The following USP15 variants were observed in gnomAD, a reference collection of about 807,000 sequenced individuals.
USP15 encodes ubiquitin specific peptidase 15, also known as ubiquitin carboxyl-terminal hydrolase 15.
USP15 carries 18 observed loss-of-function variants against 127.1 expected under a neutral mutation model. That is an observed-to-expected ratio of 0.14 (90% CI 0.10 to 0.21). The LOEUF (loss-of-function observed/expected upper bound fraction) is 0.21. Ranked by LOEUF, USP15 falls within the 10% of genes least tolerant of loss-of-function variation. The pLI is 1.00. For synonymous variants in USP15, 364 were observed against 393.7 expected (o/e 0.92, Z 0.89); for missense variants, 805 against 1,159.9 (o/e 0.69, Z 4.44).
chr12:62,307,184 G>C (rs567067878), intron 3 of USP15, among the ~76,000 whole-genome samples: 31 of 152,250 alleles, frequency 2.0e-4, no homozygotes, highest in African/African-American at 7.5e-4. Flanking sequence ...TGCAGAAGCA[G>C]TATTAAATGA....
At chr12:62,270,198 C>T (rs764088531) in intron 1 of USP15, among the ~76,000 whole-genome samples, 69 of 151,864 alleles carry the variant, frequency 4.5e-4, no homozygotes, top group Non-Finnish European at 2.5e-4. Context: ...AGATTCTTTG[C>T]CCATTTAAAA....
intron 8 of USP15, among the ~76,000 whole-genome samples, chr12:62,380,327 T>TA (rs912138910): frequency 6.6e-6 from 1 of 152,014 alleles, no homozygotes; most frequent in Non-Finnish European, 1.5e-5. Flanking sequence ...AGAATTATTC[T>TA]AAAAAACTAA....
intron 20 of USP15, among the ~76,000 whole-genome samples, chr12:62,397,216 A>T (rs2067520481): frequency 6.6e-6 from 1 of 152,152 alleles, no homozygotes. Flanking sequence ...TTATATTTTC[A>T]TTATCTTAGT....
At chr12:62,293,545 G>A (rs894452227) in intron 1 of USP15, among the ~76,000 whole-genome samples, 4 of 151,966 alleles carry the variant, frequency 2.6e-5, no homozygotes, top group East Asian at 1.9e-4. Flanking sequence ...TAGTAGAGAC[G>A]GGGTTTCACG....
At chr12:62,365,111 T>A (rs1453638681) in intron 8 of USP15, among the ~76,000 whole-genome samples, 1 of 152,182 alleles carries the variant, frequency 6.6e-6, no homozygotes, top group East Asian at 1.9e-4. Context: ...TTTCTAGTTC[T>A]AGATCCTTGA....
At chr12:62,321,836 T>C (rs1304647161) in intron 5 of USP15, among the ~76,000 whole-genome samples, 1 of 152,064 alleles carries the variant, frequency 6.6e-6, no homozygotes, top group African/African-American at 2.4e-5. Context: ...TAGAAAAAAA[T>C]CCCAGCTAAT....
chr12:62,395,822 G>A (rs1401791323), intron 19 of USP15, among the ~76,000 whole-genome samples: 1 of 151,628 alleles, frequency 6.6e-6, no homozygotes, highest in Non-Finnish European at 1.5e-5. Context: ...GAAATGGCAG[G>A]ATCTCATTCC....
intron 6 of USP15, chr12:62,327,739 C>T: frequency 2.4e-6 from 1 of 410,454 alleles, no homozygotes; most frequent in Non-Finnish European, 4.7e-6. Flanking sequence ...CTATGTAATA[C>T]CCAACACACC....
intron 1 of USP15, among the ~76,000 whole-genome samples, chr12:62,269,791 T>C (rs990954994): frequency 5.9e-5 from 9 of 152,140 alleles, no homozygotes; most frequent in Admixed American, 3.3e-4. Context: ...TGTATAGATA[T>C]AACACATTTG....
chr12:62,277,323 T>C (rs2063521896), intron 1 of USP15, among the ~76,000 whole-genome samples: 1 of 152,174 alleles, frequency 6.6e-6, no homozygotes, highest in Non-Finnish European at 1.5e-5. Context: ...CTTTAAAACA[T>C]GTCACTGACA....
At chr12:62,359,862 C>T (rs1180835912) in intron 8 of USP15, among the ~76,000 whole-genome samples, 2 of 152,068 alleles carry the variant, frequency 1.3e-5, no homozygotes, top group Non-Finnish European at 2.9e-5. Context: ...GCCCCTGCCT[C>T]CTGAGTAGTT....
intron 4 of USP15, among the ~76,000 whole-genome samples, chr12:62,320,569 G>C (rs982348664): frequency 3.9e-5 from 6 of 152,042 alleles, no homozygotes; most frequent in African/African-American, 1.4e-4. Flanking sequence ...TAAGTTTTGA[G>C]ATAACGCTGT....
chr12:62,370,194 G>A (rs1212007245), intron 8 of USP15, among the ~76,000 whole-genome samples: 1 of 152,132 alleles, frequency 6.6e-6, no homozygotes, highest in East Asian at 1.9e-4. Flanking sequence ...GCCTCCCAAA[G>A]TGCTGGGATT....
intron 2 of USP15, 194 bp downstream of exon 2, chr12:62,294,500 G>GT: frequency 2.0e-6 from 1 of 496,542 alleles, no homozygotes. Context: ...GACAAGTTTT[G>GT]TTTTTCATTT....
intron 1 of USP15, chr12:62,274,232 C>T (rs762988424): frequency 2.0e-5 from 3 of 152,212 alleles, no homozygotes; most frequent in Non-Finnish European, 4.4e-5. Flanking sequence ...CAGTGGTTCA[C>T]ACCTGTAATC....
chr12:62,383,736 A>T lies in USP15; in HGVS notation c.1090-104A>T, dbSNP rs963843478. Reference sequence around the variant, plus strand: ...ACAAATACATTTTAGAAAGCAGGCAAATTCACAAATGTGGAATCCATGAAT... The same window carrying T: ...ACAAATACATTTTAGAAAGCAGGCATATTCACAAATGTGGAATCCATGAAT... On this transcript the variant is annotated intron_variant, in intron 9 of 21. Coordinates refer to ENST00000280377, the MANE Select transcript of USP15 (RefSeq NM_001252078.2). 2.3e-6 allele frequency: 3 copies of T among 1,288,598 alleles called. No individual in the cohort carries two copies. The East Asian group carries it at 7.2e-5, about 31-fold the overall frequency. 79.8% of individuals were successfully genotyped at this position (1,288,598 alleles called of 1,614,324 possible).
chr12:62,388,825 C>T (rs774335336), intron 11 of USP15, among the ~76,000 whole-genome samples: 21 of 151,946 alleles, frequency 1.4e-4, no homozygotes, highest in Non-Finnish European at 2.2e-4. Flanking sequence ...GACAGTAACC[C>T]GAGTTTAAGA....
At chr12:62,389,330 A>G in intron 11 of USP15, 101 bp from the exon 12 acceptor site, 1 of 974,552 alleles carries the variant, frequency 1.0e-6, no homozygotes, top group South Asian at 1.7e-5. Flanking sequence ...ACACTAATCC[A>G]AATGCCAAAT....
intron 3 of USP15, 29 bp downstream of exon 3, chr12:62,302,949 T>C (rs2064358878): frequency 6.3e-7 from 1 of 1,591,226 alleles, no homozygotes; most frequent in Non-Finnish European, 8.6e-7. Context: ...TGACTATAAA[T>C]ATTATTTTTC....
Sources: allele counts gnomAD v4.1 joint callset (sites outside exome capture counted in the v4.1 genomes callset), GRCh38; gene constraint gnomAD v4.1.1; transcripts MANE v1.5; gene names NCBI Gene and HGNC (gene_info 2026-07-23, HGNC 2026-07-21).